The following CTPS2 variants were observed in gnomAD, a reference collection of about 807,000 sequenced individuals.
CTPS2 encodes CTP synthase II.
Under a neutral mutation model 46.8 loss-of-function variants are expected in CTPS2, and 19 were observed. The ratio of observed to expected loss-of-function variants is 0.41; its 90% CI spans 0.28 to 0.60. The LOEUF is 0.60. Ranked by LOEUF, CTPS2 falls within the 20% of genes least tolerant of loss-of-function variation. CTPS2 has a pLI of 0.35. For missense variants in CTPS2, 286 were observed against 447.6 expected, an observed-to-expected ratio of 0.64 and a Z score of 3.26; for synonymous variants, 151 against 165.2, an observed-to-expected ratio of 0.91 and a Z score of 0.66.
intron 17 of CTPS2, among the ~76,000 whole-genome samples, chrX:16,592,514 C>T (rs774236873): frequency 1.2e-3 from 131 of 111,542 alleles, no homozygotes; most frequent in African/African-American, 3.9e-3. Context: ...TGCTGGCCTC[C>T]GTGCTTGAGA....
At chrX:16,663,237 C>G (rs957118168) in intron 13 of CTPS2, among the ~76,000 whole-genome samples, 5 of 111,586 alleles carry the variant, frequency 4.5e-5, no homozygotes, top group African/African-American at 1.6e-4. Context: ...AGCTCAACCC[C>G]TGGGGCTCAA....
At chrX:16,678,565 G>T in intron 9 of CTPS2, 115 bp from the exon 10 acceptor site, 1 of 480,328 alleles carries the variant, frequency 2.1e-6, no homozygotes, top group Non-Finnish European at 3.6e-6. Context: ...TGCAAACACT[G>T]TACTGGGCAC....
At chrX:16,637,470 C>G (rs1931814156) in intron 14 of CTPS2, among the ~76,000 whole-genome samples, 1 of 112,592 alleles carries the variant, frequency 8.9e-6, no homozygotes, top group South Asian at 3.6e-4. Context: ...CTGCCGGCCA[C>G]AGCCTCCCAA....
chrX:16,694,685 C>T (rs1171422675), intron 4 of CTPS2, among the ~76,000 whole-genome samples: 1 of 112,396 alleles, frequency 8.9e-6, no homozygotes, highest in East Asian at 2.8e-4. Context: ...GTTCTAGTAC[C>T]TGTTACCAAA....
chrX:16,698,878 G>A lies in CTPS2; in HGVS notation c.337+45C>T, dbSNP rs747081475. On this transcript the variant is annotated intron_variant, in intron 3 of 18. Transcript: ENST00000359276. ...CAGTTCTACTTTTGAGCAGTACAAAGATATTCAGCACACAGGGCTCCATAA... is the reference window on the plus strand; with the variant it reads ...CAGTTCTACTTTTGAGCAGTACAAAAATATTCAGCACACAGGGCTCCATAA... The A allele has an allele frequency of 3.5e-6, 4 of 1,130,474 alleles. No individual in the cohort carries two copies. The East Asian group carries it at 1.2e-4, about 35-fold the overall frequency. 93.2% of individuals were successfully genotyped at this position (1,130,474 alleles called of 1,213,427 possible). A position where few individuals can be genotyped will look rare whatever the true frequency, so the allele number is the denominator to read the frequency against.
intron 13 of CTPS2, among the ~76,000 whole-genome samples, chrX:16,643,772 C>T (rs1474062641): frequency 9.0e-6 from 1 of 111,028 alleles, no homozygotes; most frequent in Non-Finnish European, 1.9e-5. Flanking sequence ...ATGCCCTCCT[C>T]ATGTATTCGA....
chrX:16,626,114 G>T (rs1043803891), intron 14 of CTPS2, among the ~76,000 whole-genome samples: 4 of 111,559 alleles, frequency 3.6e-5, no homozygotes, highest in African/African-American at 1.3e-4. Context: ...AGGCATGGTG[G>T]CTCATGCCTG....
At chrX:16,611,512 T>C (rs1224691744) in intron 16 of CTPS2, among the ~76,000 whole-genome samples, 1 of 92,041 alleles carries the variant, frequency 1.1e-5, no homozygotes, top group Non-Finnish European at 2.1e-5. Context: ...AAAATGAAAG[T>C]TGAAATTATT....
At position 16,606,227 on chromosome X, in the gene CTPS2, T is replaced by A. The variant is rs781509048; in HGVS notation, c.1691+3314A>T. Among the ~76,000 whole-genome samples the A allele has an allele frequency of 8.9e-5, 10 of 112,534 alleles. No homozygotes were observed. In the South Asian group the frequency reaches 3.0e-3, roughly 33 times the overall value. On this transcript the variant is annotated intron_variant, in intron 17 of 18. Coordinates refer to ENST00000359276, the MANE Select transcript of CTPS2 (RefSeq NM_175859.3). ...GAAGTCATTATTCTAGTGTTCATAT[T>A]CCTTGTCACATTGTTTAGGGTTGAT... is the stretch of plus-strand genomic sequence containing the variant.
At chrX:16,618,215 C>T (rs2147199599) in intron 15 of CTPS2, among the ~76,000 whole-genome samples, 1 of 111,948 alleles carries the variant, frequency 8.9e-6, no homozygotes, top group African/African-American at 3.2e-5. Flanking sequence ...CTGTATCTGG[C>T]TTCTTTCACT....
chrX:16,642,259 A>C (rs755349213), intron 13 of CTPS2, among the ~76,000 whole-genome samples: 24 of 112,121 alleles, frequency 2.1e-4, no homozygotes, highest in African/African-American at 7.8e-4. Context: ...CCAAGGTATA[A>C]ATGCCACTGT....
intron 8 of CTPS2, among the ~76,000 whole-genome samples, chrX:16,688,093 C>T (rs926700142): frequency 8.1e-5 from 9 of 111,489 alleles, no homozygotes; most frequent in Non-Finnish European, 1.5e-4. Flanking sequence ...CCCATCTCAA[C>T]TACATTTAGT....
chrX:16,666,954 A>G (rs1602229101), intron 13 of CTPS2, among the ~76,000 whole-genome samples: 1 of 111,593 alleles, frequency 9.0e-6, no homozygotes, highest in African/African-American at 3.3e-5. Context: ...CAGCCGATTT[A>G]ATCCTTTCCT....
intron 17 of CTPS2, among the ~76,000 whole-genome samples, chrX:16,595,216 A>T (rs770117769): frequency 1.6e-4 from 18 of 111,810 alleles, no homozygotes; most frequent in Non-Finnish European, 3.2e-4. Context: ...AAGAATTATC[A>T]TATATTAGAG....
At chrX:16,621,621 G>A (rs1930845470) in intron 14 of CTPS2, among the ~76,000 whole-genome samples, 1 of 110,077 alleles carries the variant, frequency 9.1e-6, no homozygotes, top group Non-Finnish European at 1.9e-5. Flanking sequence ...CACAGCCAAG[G>A]GTTAAGAAGA....
intron 16 of CTPS2, among the ~76,000 whole-genome samples, chrX:16,616,614 ACTT>A (rs1377619696): frequency 2.7e-5 from 3 of 112,054 alleles, no homozygotes; most frequent in Non-Finnish European, 5.6e-5. Flanking sequence ...GAAGCATACT[ACTT>A]GTAGAACTGG....
Position 16,617,209 on chromosome X carries a change from T to C in CTPS2, c.1487A>G (p.Asp496Gly), listed in dbSNP as rs760369911. The change falls in exon 16 of 19, where the codon GAC becomes GGC. Residue 496 changes from aspartate to glycine, a missense_variant. Coordinates refer to ENST00000359276, the MANE Select transcript of CTPS2 (RefSeq NM_175859.3). ...AACATCCTGACCTACAAAACTTAAG[T>C]CATTCTGCTCAAATTGTTTGATCAG... Reference protein sequence around the residue: ...PNLIKQFEQNDLSFVGQDVDG... With the variant: ...PNLIKQFEQNGLSFVGQDVDG... 1 of 1,210,098 alleles carries C rather than the reference T, an allele frequency of 8.3e-7. No individual in the cohort carries two copies. The highest frequency in any genetic ancestry group is 1.7e-5 in the African/African-American group (1 of 57,663).
Position 16,620,155 on chromosome X carries a change from T to C in CTPS2, c.1449+122A>G, listed in dbSNP as rs2147202790. On this transcript the variant is annotated intron_variant, in intron 15 of 18. Coordinates refer to ENST00000359276, the MANE Select transcript of CTPS2 (RefSeq NM_175859.3). ...AAGTGGGAGACTGTGGGAAATTTGG[T>C]CCTCTCTGAGCCCTGTGAATACCAC... The C allele has an allele frequency of 9.2e-6, 5 of 542,465 alleles. No individual in the cohort carries two copies. The East Asian group carries it at 1.8e-4, about 19-fold the overall frequency. 44.7% of individuals were successfully genotyped at this position (542,465 alleles called of 1,213,427 possible).
intron 15 of CTPS2, among the ~76,000 whole-genome samples, chrX:16,618,678 T>C (rs1243895281): frequency 8.9e-6 from 1 of 111,913 alleles, no homozygotes; most frequent in Non-Finnish European, 1.9e-5. Context: ...GTGGTTTCAA[T>C]ACGCATTTCC....
Sources: allele counts gnomAD v4.1 joint callset (sites outside exome capture counted in the v4.1 genomes callset), GRCh38; gene constraint gnomAD v4.1.1; transcripts MANE v1.5; gene names NCBI Gene and HGNC (gene_info 2026-07-23, HGNC 2026-07-21).